Variants in UBXN11 observed in about 807,000 individuals in gnomAD.
UBXN11 encodes the protein UBX domain-containing protein 11.
A neutral mutation model predicts 62.8 loss-of-function variants in UBXN11; 47 were observed. That is an observed-to-expected ratio of 0.75 (90% confidence interval 0.59 to 0.95). UBXN11 has a LOEUF of 0.95. Ranked by LOEUF, UBXN11 falls within the 40% of genes least tolerant of loss-of-function variation. The probability of loss-of-function intolerance (pLI) is 0.00; values close to 1 mark genes in which losing one functional copy is unlikely to be tolerated. For synonymous variants in UBXN11, 294 were observed against 267.0 expected (o/e 1.10, Z -0.99); for missense variants, 638 against 661.7 (o/e 0.96, Z 0.39).
rs748647164 is a variant in UBXN11 at position 26,284,202 on chromosome 1, C to T, written c.1017G>A (p.Lys339=). ...TAEKFLNRLP[K]FVIRQGEVID... ...TCACCTCGCCTTGCCGGATCACAAACTTGGGGAGCCTGTTCAGAAATTTCT... is the reference window on the plus strand; with the variant it reads ...TCACCTCGCCTTGCCGGATCACAAATTTGGGGAGCCTGTTCAGAAATTTCT... The change falls in exon 12 of 15, where the codon AAG becomes AAA. Residue 339 remains lysine, a synonymous_variant. Transcript: ENST00000374222. The T allele has an allele frequency of 3.8e-5, 61 of 1,613,242 alleles. 2 individuals carry two copies. In the South Asian group the frequency reaches 4.1e-4, roughly 11 times the overall value.
At chr1:26,288,766 T>TAA (rs369150305) in intron 8 of UBXN11, among the ~76,000 whole-genome samples, 1 of 152,290 alleles carries the variant, frequency 6.6e-6, no homozygotes, top group Non-Finnish European at 1.5e-5. Context: ...AACCTGTCTG[T>TAA]AAATGACAGC....
chr1:26,285,575 T>C, intron 9 of UBXN11, 34 bp from the exon 10 acceptor site: 2 of 1,518,020 alleles, frequency 1.3e-6, no homozygotes, highest in Non-Finnish European at 8.9e-7. Context: ...GGGGGTGGCC[T>C]GGGCCTTGGG....
At chr1:26,290,043 C>T (rs186398176) in intron 8 of UBXN11, among the ~76,000 whole-genome samples, 130 of 152,328 alleles carry the variant, frequency 8.5e-4, no homozygotes, top group Middle Eastern at 3.4e-3. Flanking sequence ...TCAGGCCTGC[C>T]GGGTCCCACC....
chr1:26,315,041 A>T (rs1233948155), intron 1 of UBXN11, among the ~76,000 whole-genome samples: 2 of 151,804 alleles, frequency 1.3e-5, no homozygotes, highest in Non-Finnish European at 2.9e-5. Flanking sequence ...TGATTGCACC[A>T]CTTGTACTCC....
chr1:26,294,622 C>A (rs1328841989), intron 7 of UBXN11, among the ~76,000 whole-genome samples: 4 of 152,202 alleles, frequency 2.6e-5, no homozygotes, highest in Non-Finnish European at 5.9e-5. Context: ...CCAGCCCATG[C>A]GAGGGCTCGG....
chr1:26,305,804 C>T (rs1221071424), intron 1 of UBXN11, among the ~76,000 whole-genome samples: 1 of 152,180 alleles, frequency 6.6e-6, no homozygotes, highest in African/African-American at 2.4e-5. Flanking sequence ...TTCCCTCTTA[C>T]GCCATCTTGC....
At chr1:26,295,961 C>T (rs774395715) in intron 7 of UBXN11, among the ~76,000 whole-genome samples, 1 of 152,254 alleles carries the variant, frequency 6.6e-6, no homozygotes, top group Non-Finnish European at 1.5e-5. Flanking sequence ...CAGCCCTCAC[C>T]GCCTGTGGCC....
At chr1:26,306,824 C>CGCGG (rs1423105303), upstream of UBXN11, 1 of 5,160 alleles carries the variant, frequency 1.9e-4, no homozygotes. Context: ...AGGTCCGGGG[C>CGCGG]GGGGTGGGGG....
intron 7 of UBXN11, among the ~76,000 whole-genome samples, chr1:26,296,395 C>A (rs1405578270): frequency 6.6e-6 from 1 of 152,218 alleles, no homozygotes; most frequent in Non-Finnish European, 1.5e-5. Flanking sequence ...ACTGAGAAAG[C>A]TCGGGATGGA....
rs202237134 is a variant in UBXN11, at chr1:26,301,689, C to T, written c.100+5G>A. 1,230 of 1,613,898 alleles carry T rather than the reference C, an allele frequency of 7.6e-4. 4 individuals are homozygous for T. In the Middle Eastern group the frequency reaches 9.7e-3, roughly 13 times the overall value. ...GAAGAGGGCACGAGGGCGGGGCACA[C>T]TTACCATCTCCATAGATGCGGATTC... On this transcript the variant is annotated splice_donor_5th_base_variant and intron_variant, in intron 3 of 14. Transcript: ENST00000374222.
At chr1:26,308,691 T>C (rs1015195154), upstream of UBXN11, among the ~76,000 whole-genome samples, 1 of 152,158 alleles carries the variant, frequency 6.6e-6, no homozygotes, top group African/African-American at 2.4e-5. Context: ...ACCTTGCTCA[T>C]GGAGATAAGC....
chr1:26,297,171 G>A (rs2073414858), intron 6 of UBXN11, among the ~76,000 whole-genome samples, 176 bp from the exon 7 acceptor site: 2 of 152,122 alleles, frequency 1.3e-5, no homozygotes, highest in South Asian at 4.1e-4. Context: ...TGGGCCCTAG[G>A]AGGCTGCCAC....
chr1:26,309,374 G>A (rs1248635508), upstream of UBXN11, among the ~76,000 whole-genome samples: 14 of 151,258 alleles, frequency 9.3e-5, no homozygotes, highest in East Asian at 2.7e-3. Context: ...TGAGTAGCTG[G>A]GATTACAGGC....
rs1158272794 is a variant in UBXN11 at position 26,285,040 on chromosome 1, G to A, written c.852+424C>T. 4 of 1,007,242 alleles carry A rather than the reference G, an allele frequency of 4.0e-6. No individual in the cohort carries two copies. In the South Asian group the frequency reaches 1.2e-4, roughly 30 times the overall value. The allele number at this position is 1,007,242 out of a possible 1,614,324, so 62.4% of individuals were successfully genotyped here. On this transcript the variant is annotated intron_variant, in intron 10 of 14. Coordinates refer to ENST00000374222, the MANE Select transcript of UBXN11 (RefSeq NM_001389556.1). ...CTCTGGTGGTGGCACCTACCCATGGGGCCAGCTCTACCTCATGTCTTTGAG... is the reference window on the plus strand; with the variant it reads ...CTCTGGTGGTGGCACCTACCCATGGAGCCAGCTCTACCTCATGTCTTTGAG...
At chr1:26,294,839 C>T (rs1053644334) in intron 7 of UBXN11, among the ~76,000 whole-genome samples, 6 of 152,218 alleles carry the variant, frequency 3.9e-5, no homozygotes, top group Non-Finnish European at 5.9e-5. Flanking sequence ...CGCCATACCT[C>T]TCTGAAACTG....
In UBXN11 at chr1:26,316,901, A is replaced by T. The variant is rs184192156; in HGVS notation, c.-149+1146T>A. Among the ~76,000 whole-genome samples, 227 of 150,206 alleles carry T rather than the reference A, an allele frequency of 1.5e-3. 1 individual carries two copies. The highest frequency in any genetic ancestry group is 5.5e-3 in the African/African-American group (226 of 40,770). ...CATCCTCAGCTAATACAAACAACCC[A>T]TCTGCTTGCTACTTTCTCTACCAAA... On this transcript the variant is annotated intron_variant, in intron 1 of 14. Transcript: ENST00000374217.
intron 1 of UBXN11, 57 bp from the exon 2 acceptor site, chr1:26,302,975 G>C (rs1038828914): frequency 1.1e-5 from 14 of 1,250,560 alleles, no homozygotes; most frequent in Non-Finnish European, 1.6e-5. Context: ...CAAGCCCAGG[G>C]GGTAGCCTGA....
Position 26,297,897 on chromosome 1 carries a change from C to T in UBXN11, c.300+65G>A, listed in dbSNP as rs2073433970. 2.6e-6 allele frequency: 4 copies of T among 1,548,908 alleles called. No homozygotes were observed. The Admixed American group carries it at 5.5e-5, about 21-fold the overall frequency. On this transcript the variant is annotated intron_variant, in intron 5 of 14. Coordinates refer to ENST00000374222, the MANE Select transcript of UBXN11 (RefSeq NM_001389556.1). ...TCACCCACCCTAGTCCAACTCCTGG[C>T]CTCCCCAGCCCAGTCCCTCCACCTC...
rs752265364 is a variant in UBXN11 at position 26,300,899 on chromosome 1, C to A, written c.199+27G>T. The A allele has an allele frequency of 2.5e-6, 4 of 1,614,124 alleles. No homozygotes were observed. In the South Asian group the frequency reaches 4.4e-5, roughly 18 times the overall value. ...TGGGGCCCCCTCCTGCAGCCAGGAC[C>A]CAGACCCTTCAGGCCTCTGCTCTCA... On this transcript the variant is annotated intron_variant, in intron 4 of 14. Coordinates refer to ENST00000374222, the MANE Select transcript of UBXN11 (RefSeq NM_001389556.1).
Sources: allele counts gnomAD v4.1 joint callset (sites outside exome capture counted in the v4.1 genomes callset), GRCh38; gene constraint gnomAD v4.1.1; transcripts MANE v1.5; gene names NCBI Gene and HGNC (gene_info 2026-07-23, HGNC 2026-07-21).